ZDHHC17: variants seen among roughly 807,000 people sequenced by gnomAD.
ZDHHC17 encodes the protein palmitoyltransferase ZDHHC17.
ZDHHC17 carries 40 observed loss-of-function variants against 90.3 expected under a neutral mutation model. The observed-to-expected ratio is 0.44, with a 90% CI of 0.34 to 0.58. The LOEUF (loss-of-function observed/expected upper bound fraction) is 0.58, where lower values mean the gene tolerates loss of function less well. ZDHHC17 is among the 20% of genes least tolerant of loss of function. The pLI, the probability that ZDHHC17 is intolerant of heterozygous loss-of-function variation, is 0.01. For synonymous variants in ZDHHC17, 235 were observed against 252.4 expected (o/e 0.93, Z 0.65); for missense variants, 614 against 780.8 (o/e 0.79, Z 2.55).
chr12:76,765,960 T>G (rs1247819661), intron 1 of ZDHHC17, among the ~76,000 whole-genome samples: 1 of 152,216 alleles, frequency 6.6e-6, no homozygotes, highest in East Asian at 1.9e-4. Context: ...CCTTAGCTAC[T>G]TAAAGTGCTG....
At chr12:76,810,111 TAA>T (rs1953001836) in intron 5 of ZDHHC17, among the ~76,000 whole-genome samples, 1 of 152,170 alleles carries the variant, frequency 6.6e-6, no homozygotes. Context: ...GCTCAGAAAT[TAA>T]GAGAGAAAAT....
At chr12:76,768,690 A>T (rs1449888650) in intron 1 of ZDHHC17, among the ~76,000 whole-genome samples, 1 of 152,186 alleles carries the variant, frequency 6.6e-6, no homozygotes, top group African/African-American at 2.4e-5. Flanking sequence ...ACTAGCCATG[A>T]CCAGCTTCCA....
intron 1 of ZDHHC17, among the ~76,000 whole-genome samples, chr12:76,795,668 T>G (rs926763373): frequency 6.6e-6 from 1 of 152,204 alleles, no homozygotes; most frequent in African/African-American, 2.4e-5. Context: ...ACTGGAATTC[T>G]GTGGAGAAAT....
chr12:76,826,806 G>A (rs76254416), intron 8 of ZDHHC17, 102 bp from the exon 9 acceptor site: 1 of 1,228,926 alleles, frequency 8.1e-7, no homozygotes, highest in Non-Finnish European at 1.1e-6. Flanking sequence ...TTGAGTGAAT[G>A]AATTTCACCC....
rs780628754 is a variant in ZDHHC17, at chr12:76,822,484, A to G, written c.850A>G (p.Lys284Glu). ...INHLQEARQAKGYDNPSFLRK... is the reference protein window; with the variant it reads ...INHLQEARQAEGYDNPSFLRK... ...CCACTTACAAGAGGCAAGGCAAGCA[A>G]AAGGATATGACAATCCGTCCTTCCT... is the stretch of plus-strand genomic sequence containing the variant. Residue 284 changes from lysine (K) to glutamate (E), a missense_variant, in exon 8 of 17, where the codon AAA becomes GAA. By Grantham distance (56) the Lys-to-Glu change is moderately conservative. Around this residue, in one of 5 missense-constraint regions of ZDHHC17, gnomAD observed 358 missense variants for 380.4 expected, o/e 0.94. Coordinates refer to ENST00000426126, the MANE Select transcript of ZDHHC17 (RefSeq NM_015336.4). The G allele has an allele frequency of 4.3e-6, 7 of 1,612,964 alleles. No individual in the cohort carries two copies. The highest frequency in any genetic ancestry group is 5.9e-6 in the Non-Finnish European group (7 of 1,179,428).
chr12:76,817,358 T>C (rs890882807), intron 7 of ZDHHC17, among the ~76,000 whole-genome samples: 1 of 152,088 alleles, frequency 6.6e-6, no homozygotes, highest in African/African-American at 2.4e-5. Flanking sequence ...TTTTTATCTT[T>C]GCTACCAGAC....
intron 13 of ZDHHC17, 103 bp downstream of exon 13, chr12:76,845,905 C>T (rs1025143270): frequency 6.6e-5 from 36 of 548,658 alleles, no homozygotes; most frequent in Admixed American, 1.2e-4. Context: ...TATTACTCCA[C>T]GCTTCATTTT....
At chr12:76,781,027 G>A (rs1027714912) in intron 1 of ZDHHC17, among the ~76,000 whole-genome samples, 1 of 151,746 alleles carries the variant, frequency 6.6e-6, no homozygotes, top group Non-Finnish European at 1.5e-5. Context: ...CCAGCTACTC[G>A]GGAGGCTGAG....
intron 10 of ZDHHC17, 49 bp from the exon 11 acceptor site, chr12:76,841,933 A>G: frequency 7.4e-7 from 1 of 1,348,968 alleles, no homozygotes; most frequent in Non-Finnish European, 9.6e-7. Flanking sequence ...TTTATATATA[A>G]TAGTAATTCA....
chr12:76,842,246 TTTGGTGCTCATCC>T, intron 11 of ZDHHC17, 140 bp downstream of exon 11: 2 of 935,464 alleles, frequency 2.1e-6, no homozygotes, highest in Non-Finnish European at 2.9e-6. Flanking sequence ...GTATCTTTTA[TTTGGTGCTCATCC>T]TTGGTGCTCT....
intron 2 of ZDHHC17, among the ~76,000 whole-genome samples, chr12:76,798,754 G>T (rs960191390): frequency 3.3e-5 from 5 of 152,164 alleles, no homozygotes; most frequent in Admixed American, 3.3e-4. Flanking sequence ...GGGGAAGCAG[G>T]TACATCTGAA....
In ZDHHC17 at chr12:76,846,699, G is replaced by T; in HGVS notation, c.1507+20G>T. 1 of 1,575,554 alleles carries T rather than the reference G, an allele frequency of 6.3e-7. No individual in the cohort carries two copies. On this transcript the variant is annotated intron_variant, in intron 14 of 16. Transcript: ENST00000426126. The stretch of plus-strand genomic sequence containing the variant: ...TATCTTGTGAGTACAATTAGTTTTC[G>T]GTCTTTTTAAAACAAATTTCTGCAT...
At position 76,842,899 on chromosome 12, in the gene ZDHHC17, A is replaced by T. The variant is rs777023269; in HGVS notation, c.1267-20A>T. 1 of 1,583,750 alleles carries T rather than the reference A, an allele frequency of 6.3e-7. No individual in the cohort carries two copies. The highest frequency in any genetic ancestry group is 1.1e-5 in the South Asian group (1 of 87,652). ...AGCATTGTTCAGTTTTGAATTAAAT[A>T]TTATTTTTTTAATTCACAGACAATA... On this transcript the variant is annotated intron_variant, in intron 11 of 16. Coordinates refer to ENST00000426126, the MANE Select transcript of ZDHHC17 (RefSeq NM_015336.4).
At chr12:76,772,566 A>T (rs1292924794) in intron 1 of ZDHHC17, among the ~76,000 whole-genome samples, 3 of 136,216 alleles carry the variant, frequency 2.2e-5, no homozygotes, top group Admixed American at 1.6e-4. Context: ...GACGGAGTCT[A>T]GCTTTGTCGC....
intron 12 of ZDHHC17, 57 bp from the exon 13 acceptor site, chr12:76,845,648 TAGTC>T (rs1330558175): frequency 8.4e-6 from 5 of 593,190 alleles, no homozygotes; most frequent in African/African-American, 2.0e-5. Context: ...AGAAAATAAA[TAGTC>T]AGCTTTTCTC....
At chr12:76,795,626 C>A (rs969919788) in intron 1 of ZDHHC17, among the ~76,000 whole-genome samples, 1 of 151,976 alleles carries the variant, frequency 6.6e-6, no homozygotes, top group Admixed American at 6.6e-5. Flanking sequence ...TTACCTTAAC[C>A]CCACTGAATA....
chr12:76,813,909 T>C (rs762762208), intron 5 of ZDHHC17, among the ~76,000 whole-genome samples: 1 of 152,080 alleles, frequency 6.6e-6, no homozygotes, highest in Non-Finnish European at 1.5e-5. Flanking sequence ...AGCAATTATA[T>C]GATGGAGCTA....
intron 12 of ZDHHC17, chr12:76,844,060 T>G (rs1953465335): frequency 6.6e-6 from 1 of 152,196 alleles, no homozygotes; most frequent in South Asian, 2.1e-4. Flanking sequence ...ATTCTTTTTC[T>G]TAATATTTAG....
At chr12:76,803,870 C>G (rs911370312) in intron 2 of ZDHHC17, among the ~76,000 whole-genome samples, 2 of 152,078 alleles carry the variant, frequency 1.3e-5, no homozygotes, top group Admixed American at 1.3e-4. Context: ...TCCACAGATT[C>G]ATCAGTTATA....
Sources: gnomAD v4.1 joint callset for allele counts (sites outside exome capture counted in the v4.1 genomes callset) on GRCh38, gnomAD v4.1.1 for gene constraint, gnomAD v4.1.1 regional missense constraint, MANE v1.5 for transcripts, NCBI Gene and HGNC (gene_info 2026-07-23, HGNC 2026-07-21) for gene names.